Variants in FAM78A observed in about 807,000 individuals in gnomAD.
The protein encoded by FAM78A is protein FAM78A.
Under a neutral mutation model 22.6 loss-of-function variants are expected in FAM78A, and 12 were observed. That is an observed-to-expected ratio of 0.53 (90% CI 0.34 to 0.86). The LOEUF (loss-of-function observed/expected upper bound fraction) is 0.86, where lower values mean the gene tolerates loss of function less well. Ranked by LOEUF, FAM78A falls within the 40% of genes least tolerant of loss-of-function variation. FAM78A has a pLI of 0.02. For synonymous variants in FAM78A, 151 were observed against 155.8 expected (o/e 0.97, Z 0.23); for missense variants, 322 against 396.1 (o/e 0.81, Z 1.59).
At position 131,259,672 on chromosome 9, in the gene FAM78A, G is replaced by A. The variant is rs1835234956; in HGVS notation, c.*1150C>T. On this transcript the variant is annotated 3_prime_UTR_variant, in exon 2 of 2. Coordinates refer to ENST00000372271, the MANE Select transcript of FAM78A (RefSeq NM_033387.4). ...TACACCAGGGGCCAGCCAGCCACAG[G>A]GGCCGGGGCCCACCCGATTCAAGTC... 1 of 152,532 alleles carries A rather than the reference G, an allele frequency of 6.6e-6. No homozygotes were observed. The highest frequency in any genetic ancestry group is 2.4e-5 in the African/African-American group (1 of 41,470). 9.4% of individuals were successfully genotyped at this position (152,532 alleles called of 1,614,324 possible).
At chr9:131,267,736 C>T (rs1835361730) in intron 1 of FAM78A, among the ~76,000 whole-genome samples, 1 of 152,142 alleles carries the variant, frequency 6.6e-6, no homozygotes, top group Non-Finnish European at 1.5e-5. Flanking sequence ...TTAAGAAACA[C>T]CTTTACAGAT....
At chr9:131,276,963 A>G (rs1264051606), upstream of FAM78A, among the ~76,000 whole-genome samples, 1 of 149,398 alleles carries the variant, frequency 6.7e-6, no homozygotes, top group Non-Finnish European at 1.5e-5. The surrounding 1 kb of genome is among the most constrained non-coding windows in gnomAD (Gnocchi z 4.3). Flanking sequence ...GGTGGAAGGG[A>G]CAGCGCGTCA....
At chr9:131,280,647 C>T (rs1480515991), upstream of FAM78A, among the ~76,000 whole-genome samples, 1 of 152,152 alleles carries the variant, frequency 6.6e-6, no homozygotes, top group Non-Finnish European at 1.5e-5. Context: ...AGGACAAGGT[C>T]CTCAATTCCT....
At chr9:131,262,117 G>C (rs932173842) in intron 1 of FAM78A, among the ~76,000 whole-genome samples, 1 of 151,458 alleles carries the variant, frequency 6.6e-6, no homozygotes, top group African/African-American at 2.4e-5. Context: ...CATGAGGTCA[G>C]GAGTTTGAGA....
chr9:131,266,037 G>C (rs1835339989), intron 1 of FAM78A, among the ~76,000 whole-genome samples: 1 of 152,174 alleles, frequency 6.6e-6, no homozygotes, highest in Non-Finnish European at 1.5e-5. Context: ...GACATGGGTG[G>C]ACAGAGCCAC....
rs1481252624 is a variant in FAM78A at position 131,260,279 on chromosome 9, T to A, written c.*543A>T. Reference sequence around the variant, plus strand: ...TAGAAAAGAGATCCTGCTTTCTTTCTCCGATTGGTTTTCTTCCTTTCAATT... The same window carrying A: ...TAGAAAAGAGATCCTGCTTTCTTTCACCGATTGGTTTTCTTCCTTTCAATT... On this transcript the variant is annotated 3_prime_UTR_variant, in exon 2 of 2. Coordinates refer to ENST00000372271, the MANE Select transcript of FAM78A (RefSeq NM_033387.4). The surrounding 1 kb of genome is among the most constrained non-coding windows in gnomAD (Gnocchi z 5.4). 1 of 152,816 alleles carries A rather than the reference T, an allele frequency of 6.5e-6. No individual in the cohort carries two copies. The highest frequency in any genetic ancestry group is 2.4e-5 in the African/African-American group (1 of 41,456). The allele number at this position is 152,816 out of a possible 1,614,324, so 9.5% of individuals were successfully genotyped here.
At chr9:131,280,527 G>T (rs1835532042), upstream of FAM78A, among the ~76,000 whole-genome samples, 1 of 152,144 alleles carries the variant, frequency 6.6e-6, no homozygotes, top group Non-Finnish European at 1.5e-5. Context: ...CAGGCTCCCT[G>T]GACTCTGAAA....
Position 131,260,671 on chromosome 9 carries a change from G to C in FAM78A, c.*151C>G. 1 of 891,170 alleles carries C rather than the reference G, an allele frequency of 1.1e-6. No homozygotes were observed. Among genetic ancestry groups the C allele is most frequent in the Non-Finnish European group, 1.6e-6 (1 of 621,788 alleles). 55.2% of individuals were successfully genotyped at this position (891,170 alleles called of 1,614,324 possible). ...AAGGAAGCAGGTGCCGAGAGCCGGG[G>C]AGGCCTTCCCGGGGGCATCAGCACA... is the stretch of plus-strand genomic sequence containing the variant. On this transcript the variant is annotated 3_prime_UTR_variant, in exon 2 of 2. Coordinates refer to ENST00000372271, the MANE Select transcript of FAM78A (RefSeq NM_033387.4). The surrounding 1 kb of genome is among the most constrained non-coding windows in gnomAD (Gnocchi z 5.4).
rs116915411 is a variant in FAM78A at position 131,264,132 on chromosome 9, G to A, written c.324-2782C>T. On this transcript the variant is annotated intron_variant, in intron 1 of 1. Coordinates refer to ENST00000372271, the MANE Select transcript of FAM78A (RefSeq NM_033387.4). ...TTTTTTTGGTTTTTCAGGGCAGGAA[G>A]CAAACTTGCATAAGGAACCCCGCTT... The A allele has an allele frequency of 2.6e-3, 421 of 158,938 alleles. 1 individual carries two copies. Among genetic ancestry groups the A allele is most frequent in the Middle Eastern group, 9.1e-3 (3 of 328 alleles). 9.8% of individuals were successfully genotyped at this position (158,938 alleles called of 1,614,324 possible). A position where few individuals can be genotyped will look rare whatever the true frequency, so the allele number is the denominator to read the frequency against.
Position 131,261,129 on chromosome 9 carries a change from T to G in FAM78A, c.545A>C (p.Asn182Thr), listed in dbSNP as rs1835261240. ...VSESNVAKLT[N>T]IYRDQSFTTW... ...GGTGAAGCTCTGGTCCCGGTAGATA[T>G]TGGTGAGCTTGGCCACGTTGCTCTC... Residue 182 changes from asparagine to threonine, a missense_variant, in exon 2 of 2, where the codon AAT becomes ACT. Transcript: ENST00000372271. The surrounding 1 kb of genome is among the most constrained non-coding windows in gnomAD (Gnocchi z 7.1). 1.2e-6 allele frequency: 2 copies of G among 1,613,940 alleles called. No individual in the cohort carries two copies. Among genetic ancestry groups the G allele is most frequent in the African/African-American group, 1.3e-5 (1 of 74,904 alleles).
chr9:131,275,931 C>T lies in FAM78A; in HGVS notation c.249G>A (p.Lys83=). 6.2e-7 allele frequency: 1 copy of T among 1,613,450 alleles called. No homozygotes were observed. The highest frequency in any genetic ancestry group is 8.5e-7 in the Non-Finnish European group (1 of 1,179,968). ...AQVVMPPIPK[K]ETWVVGWIQA... ...GGATCCAGCCAACTACCCAAGTCTC[C>T]TTCTTGGGGATGGGCGGCATGACCA... Residue 83 remains lysine, a synonymous_variant, in exon 1 of 2, where the codon AAG becomes AAA. Coordinates refer to ENST00000372271, the MANE Select transcript of FAM78A (RefSeq NM_033387.4). The surrounding 1 kb of genome is among the most constrained non-coding windows in gnomAD (Gnocchi z 4.6).
intron 1 of FAM78A, among the ~76,000 whole-genome samples, chr9:131,273,053 G>T (rs1835439429): frequency 6.6e-6 from 1 of 152,208 alleles, no homozygotes. Context: ...TTCTCCATGA[G>T]CCCTTCAAGG....
chr9:131,270,303 G>A lies in FAM78A; in HGVS notation c.323+5554C>T, dbSNP rs1835400945. The A allele has an allele frequency of 4.2e-6, 3 of 717,442 alleles. No homozygotes were observed. The South Asian group carries it at 4.4e-5, about 11-fold the overall frequency. 44.4% of individuals were successfully genotyped at this position (717,442 alleles called of 1,614,324 possible). A position where few individuals can be genotyped will look rare whatever the true frequency, so the allele number is the denominator to read the frequency against. On this transcript the variant is annotated intron_variant, in intron 1 of 1. Coordinates refer to ENST00000372271, the MANE Select transcript of FAM78A (RefSeq NM_033387.4). ...CTCAGCATCCTCACCTGCCTCAACT[G>A]TCCTCCCACAAACAACAGGTGAAGA...
chr9:131,279,506 G>A (rs937902660), upstream of FAM78A, among the ~76,000 whole-genome samples: 9 of 152,352 alleles, frequency 5.9e-5, no homozygotes, highest in African/African-American at 1.9e-4. Flanking sequence ...GGTGCTCTGT[G>A]AGGGTAGGAA....
At chr9:131,263,139 T>C (rs1399248227) in intron 1 of FAM78A, among the ~76,000 whole-genome samples, 2 of 150,136 alleles carry the variant, frequency 1.3e-5, no homozygotes, top group Non-Finnish European at 2.9e-5. Flanking sequence ...CTCAGGAGGC[T>C]GAGGCAGGAG....
intron 1 of FAM78A, among the ~76,000 whole-genome samples, chr9:131,273,469 G>A (rs1035617605): frequency 7.9e-5 from 12 of 152,382 alleles, no homozygotes; most frequent in East Asian, 1.9e-4. Flanking sequence ...GAGGAGTCCC[G>A]AGAGCGAGAG....
chr9:131,266,959 C>T (rs940933730), intron 1 of FAM78A, among the ~76,000 whole-genome samples: 9 of 152,366 alleles, frequency 5.9e-5, no homozygotes, highest in African/African-American at 1.9e-4. Context: ...GCTGCAGCTG[C>T]AAAAGCCTCT....
upstream of FAM78A, among the ~76,000 whole-genome samples, chr9:131,279,091 G>A (rs115788372): frequency 5.1e-3 from 770 of 152,352 alleles, 12 homozygotes; most frequent in African/African-American, 0.018. Flanking sequence ...GCTATGGCCC[G>A]TATCCCCAGC....
In FAM78A at chr9:131,263,744, G is replaced by C. The variant is rs564151378; in HGVS notation, c.324-2394C>G. On this transcript the variant is annotated intron_variant, in intron 1 of 1. Coordinates refer to ENST00000372271, the MANE Select transcript of FAM78A (RefSeq NM_033387.4). ...TAGCAAAATTGGGGCCGCCGCAGGA[G>C]GAATGATTAGGAACATGATTTTGCT... is the stretch of plus-strand genomic sequence containing the variant. 2.7e-4 allele frequency: 41 copies of C among 152,814 alleles called. No individual in the cohort carries two copies. In the South Asian group the frequency reaches 7.5e-3, roughly 28 times the overall value. The allele number at this position is 152,814 out of a possible 1,614,324, so 9.5% of individuals were successfully genotyped here.
Sources: gnomAD v4.1 joint callset for allele counts (sites outside exome capture counted in the v4.1 genomes callset) on GRCh38, gnomAD v4.1.1 for gene constraint, Gnocchi (gnomAD v3.1) non-coding constraint, MANE v1.5 for transcripts, NCBI Gene and HGNC (gene_info 2026-07-23, HGNC 2026-07-21) for gene names.